Variants in CACNA2D1 observed in about 807,000 individuals in gnomAD.
CACNA2D1 encodes the protein voltage-dependent calcium channel subunit alpha-2/delta-1.
CACNA2D1 carries 53 observed loss-of-function variants against 171.5 expected under a neutral mutation model. The ratio of observed to expected loss-of-function variants is 0.31; its 90% CI spans 0.25 to 0.39. CACNA2D1 has a LOEUF of 0.39. Among genes scored for constraint, CACNA2D1 ranks in the 10% least tolerant of loss-of-function variants. The pLI is 1.00. For synonymous variants in CACNA2D1, 442 were observed against 443.1 expected, an observed-to-expected ratio of 1.00 and a Z score of 0.03; for missense variants, 903 against 1,299.8, an observed-to-expected ratio of 0.69 and a Z score of 4.69.
intron 10 of CACNA2D1, among the ~76,000 whole-genome samples, chr7:82,045,385 TC>T (rs1418421503): frequency 1.1e-4 from 16 of 152,162 alleles, no homozygotes; most frequent in Non-Finnish European, 2.9e-5. Flanking sequence ...ATGAGCCTAT[TC>T]CTTTACTATT....
chr7:82,281,610 C>T (rs1197838173), intron 3 of CACNA2D1, among the ~76,000 whole-genome samples: 1 of 152,098 alleles, frequency 6.6e-6, no homozygotes, highest in Non-Finnish European at 1.5e-5. Flanking sequence ...TTATGCCTTG[C>T]CTTTCATTTT....
intron 3 of CACNA2D1, among the ~76,000 whole-genome samples, chr7:82,263,910 A>G (rs1807466843): frequency 6.6e-6 from 1 of 152,238 alleles, no homozygotes. Context: ...AGACTGAGAT[A>G]AGGCTATAAA....
intron 4 of CACNA2D1, among the ~76,000 whole-genome samples, chr7:82,145,893 C>T (rs1792979934): frequency 7.3e-6 from 1 of 137,484 alleles, no homozygotes; most frequent in Non-Finnish European, 1.6e-5. Context: ...ACTGGAAGAA[C>T]AACAAAAAGC....
At chr7:82,329,081 C>A (rs1356782302) in intron 3 of CACNA2D1, among the ~76,000 whole-genome samples, 1 of 151,842 alleles carries the variant, frequency 6.6e-6, no homozygotes, top group African/African-American at 2.4e-5. Flanking sequence ...GTTACTGGCA[C>A]TGCTGACAAA....
At chr7:82,014,377 A>C (rs1800170118) in intron 13 of CACNA2D1, 24 bp downstream of exon 13, 1 of 1,282,206 alleles carries the variant, frequency 7.8e-7, no homozygotes, top group African/African-American at 1.5e-5. Flanking sequence ...CTTCTAATTT[A>C]TTAGAAGAAA....
At chr7:82,434,942 T>C (rs1255379665) in intron 1 of CACNA2D1, among the ~76,000 whole-genome samples, 1 of 151,316 alleles carries the variant, frequency 6.6e-6, no homozygotes, top group Non-Finnish European at 1.5e-5. Context: ...AGATTATAGA[T>C]AAATATGAGT....
chr7:82,374,547 T>G (rs1822786792), intron 1 of CACNA2D1, among the ~76,000 whole-genome samples: 1 of 152,124 alleles, frequency 6.6e-6, no homozygotes, highest in African/African-American at 2.4e-5. Flanking sequence ...TCATCCATCT[T>G]TGCAAATGAG....
intron 3 of CACNA2D1, among the ~76,000 whole-genome samples, chr7:82,202,427 T>A (rs760755037): frequency 6.6e-6 from 1 of 152,056 alleles, no homozygotes; most frequent in Non-Finnish European, 1.5e-5. Context: ...GCCATGCAGC[T>A]GAAACATTGG....
intron 18 of CACNA2D1, among the ~76,000 whole-genome samples, chr7:82,000,474 G>C (rs887061199): frequency 6.6e-6 from 1 of 152,134 alleles, no homozygotes; most frequent in African/African-American, 2.4e-5. Flanking sequence ...ACAGGATTTA[G>C]TGGAGTGCTC....
At chr7:82,074,911 G>T (rs1321019191) in intron 7 of CACNA2D1, among the ~76,000 whole-genome samples, 1 of 151,932 alleles carries the variant, frequency 6.6e-6, no homozygotes, top group Non-Finnish European at 1.5e-5. Flanking sequence ...TGTGCACAAT[G>T]TGCAGGTTTG....
At chr7:82,253,526 C>A (rs963718088) in intron 3 of CACNA2D1, among the ~76,000 whole-genome samples, 2 of 152,022 alleles carry the variant, frequency 1.3e-5, no homozygotes, top group African/African-American at 4.8e-5. Flanking sequence ...ACAAGGAAAT[C>A]TAAAAGATAC....
At chr7:82,214,141 T>C (rs1362718315) in intron 3 of CACNA2D1, among the ~76,000 whole-genome samples, 1 of 152,180 alleles carries the variant, frequency 6.6e-6, no homozygotes, top group Non-Finnish European at 1.5e-5. Flanking sequence ...CCCCACTCTT[T>C]AATACCATCA....
chr7:82,404,089 C>G (rs980957104), intron 1 of CACNA2D1, among the ~76,000 whole-genome samples: 1 of 152,210 alleles, frequency 6.6e-6, no homozygotes. Flanking sequence ...CTGCCTCTCA[C>G]CCCAATCTCT....
chr7:82,241,713 A>G (rs1221025777), intron 3 of CACNA2D1, among the ~76,000 whole-genome samples: 1 of 151,854 alleles, frequency 6.6e-6, no homozygotes, highest in African/African-American at 2.4e-5. Context: ...GGGAGGGGGG[A>G]ATTAGGTCAG....
At chr7:81,968,798 CCTT>C (rs1794969231) in intron 29 of CACNA2D1, 86 bp downstream of exon 29, 1 of 785,640 alleles carries the variant, frequency 1.3e-6, no homozygotes, top group African/African-American at 1.7e-5. Flanking sequence ...CTTTTGATGA[CCTT>C]CTTGATAAAC....
At chr7:82,128,489 C>G (rs1367739766) in intron 5 of CACNA2D1, among the ~76,000 whole-genome samples, 1 of 152,158 alleles carries the variant, frequency 6.6e-6, no homozygotes. Context: ...AACTTTCCCA[C>G]AAACTGACTA....
At chr7:82,135,471 A>T (rs956088221) in intron 5 of CACNA2D1, among the ~76,000 whole-genome samples, 1 of 152,186 alleles carries the variant, frequency 6.6e-6, no homozygotes, top group African/African-American at 2.4e-5. Flanking sequence ...ACCTATGTCT[A>T]GAGGAAAAAA....
chr7:81,959,468 T>TA (rs961865878), intron 37 of CACNA2D1, 111 bp from the exon 38 acceptor site: 49 of 809,250 alleles, frequency 6.1e-5, no homozygotes, highest in Non-Finnish European at 9.4e-5. Context: ...TATACATCAT[T>TA]ACTCTCATCC....
intron 28 of CACNA2D1, 137 bp downstream of exon 28, chr7:81,969,744 T>A: frequency 1.5e-6 from 1 of 648,144 alleles, no homozygotes; most frequent in South Asian, 1.8e-5. Context: ...TCCTAATGCC[T>A]TGCAAATACT....
Sources: gnomAD v4.1 joint callset for allele counts (sites outside exome capture counted in the v4.1 genomes callset) on GRCh38, gnomAD v4.1.1 for gene constraint, MANE v1.5 for transcripts, NCBI Gene and HGNC (gene_info 2026-07-23, HGNC 2026-07-21) for gene names.